The following C3orf33 variants were observed in gnomAD, a reference collection of about 807,000 sequenced individuals.
C3orf33 encodes mitochondrial inner membrane subdomain organizer 1.
Under a neutral mutation model 28.7 loss-of-function variants are expected in C3orf33, and 23 were observed. That is an observed-to-expected ratio of 0.80 (90% confidence interval 0.58 to 1.13). The LOEUF (loss-of-function observed/expected upper bound fraction) is 1.13, where lower values mean the gene tolerates loss of function less well. C3orf33 is among the 50% of genes most tolerant of loss of function. The probability of loss-of-function intolerance (pLI) is 0.00; values close to 1 mark genes in which losing one functional copy is unlikely to be tolerated. For synonymous variants in C3orf33, 119 were observed against 120.5 expected (o/e 0.99, Z 0.08); for missense variants, 327 against 353.4 (o/e 0.93, Z 0.60).
intron 2 of C3orf33, among the ~76,000 whole-genome samples, chr3:155,793,984 T>A (rs1429555201): frequency 9.1e-6 from 1 of 109,880 alleles, no homozygotes; most frequent in Non-Finnish European, 2.0e-5. Flanking sequence ...TGGTGTTTTG[T>A]TTTTTTGTTT....
In C3orf33 at chr3:155,765,050, C is replaced by A. The variant is rs552174084; in HGVS notation, c.484-1132G>T. On this transcript the variant is annotated intron_variant, in intron 4 of 4. Transcript: ENST00000340171. ...AATCTTATAAGCTCATTCCCTTGAA[C>A]CAAACTCAGTATAATTAAAATTCCA... 6.8e-4 allele frequency among the ~76,000 whole-genome samples: 104 copies of A among 152,248 alleles called. 2 individuals carry two copies. The South Asian group carries it at 0.02, about 29-fold the overall frequency.
intron 2 of C3orf33, among the ~76,000 whole-genome samples, chr3:155,792,849 G>A (rs1751356382): frequency 6.6e-6 from 1 of 152,090 alleles, no homozygotes; most frequent in Non-Finnish European, 1.5e-5. Flanking sequence ...TAGCCTCAAA[G>A]GGGCTAATCT....
chr3:155,804,221 A>AC (rs1174552292), intron 1 of C3orf33: 1 of 407,900 alleles, frequency 2.5e-6, no homozygotes, highest in Non-Finnish European at 4.8e-6. Context: ...GCACAAAGGT[A>AC]CATACTCTGG....
intron 2 of C3orf33, among the ~76,000 whole-genome samples, chr3:155,792,557 GTT>G (rs1751346735): frequency 6.6e-6 from 1 of 152,110 alleles, no homozygotes; most frequent in Non-Finnish European, 1.5e-5. Flanking sequence ...CGAAATGGCT[GTT>G]TTGAGGAAAC....
chr3:155,803,033 C>G (rs555062484), intron 1 of C3orf33, among the ~76,000 whole-genome samples: 3 of 152,024 alleles, frequency 2.0e-5, no homozygotes, highest in African/African-American at 7.3e-5. Flanking sequence ...ATTAGTATAA[C>G]CTTGCATCCA....
intron 1 of C3orf33, chr3:155,805,782 G>A (rs1751791940): frequency 2.0e-6 from 1 of 493,580 alleles, no homozygotes; most frequent in Admixed American, 2.4e-5. Flanking sequence ...AAGGCGTACA[G>A]GACTTCCCTG....
intron 1 of C3orf33, chr3:155,803,916 CTG>C (rs10558348): frequency 0.025 from 4,199 of 168,028 alleles, 196 homozygotes; most frequent in African/African-American, 0.097. Context: ...TGGCTCATGC[CTG>C]TAATTCCAGC....
intron 2 of C3orf33, among the ~76,000 whole-genome samples, chr3:155,795,178 G>C (rs572464089): frequency 2.0e-5 from 3 of 152,156 alleles, no homozygotes; most frequent in African/African-American, 7.2e-5. Context: ...ATTTCAAGCC[G>C]TGTGCGGTGG....
At chr3:155,780,184 C>A (rs1213885636) in intron 2 of C3orf33, among the ~76,000 whole-genome samples, 4 of 152,166 alleles carry the variant, frequency 2.6e-5, no homozygotes, top group Non-Finnish European at 5.9e-5. Context: ...GAGCTTGTGA[C>A]AAACACAACC....
In C3orf33 at chr3:155,770,159, T is replaced by C. The variant is rs1365785775; in HGVS notation, c.323-2490A>G. On this transcript the variant is annotated intron_variant, in intron 3 of 4. Transcript: ENST00000340171. ...GTTCCCTCTCTGCTGAGAGCTGTTT[T>C]ATCACTCAACAAAACTCTTTGCCTT... 3.3e-5 allele frequency among the ~76,000 whole-genome samples: 5 copies of C among 152,218 alleles called. No individual in the cohort carries two copies. The East Asian group carries it at 9.6e-4, about 29-fold the overall frequency.
At chr3:155,790,280 T>C (rs1751274521) in intron 2 of C3orf33, among the ~76,000 whole-genome samples, 1 of 138,640 alleles carries the variant, frequency 7.2e-6, no homozygotes, top group Middle Eastern at 3.8e-3. Flanking sequence ...AAAAATTAAC[T>C]TGATAGAGCA....
chr3:155,779,977 G>A lies in C3orf33; in HGVS notation c.175-4129C>T, dbSNP rs1048187732. On this transcript the variant is annotated intron_variant, in intron 2 of 4. Transcript: ENST00000340171. ...ATTTTATATCCCACAACAACACAAA[G>A]CTCAAAGCTGTGCTTCTGTAACACA... Among the ~76,000 whole-genome samples the A allele has an allele frequency of 3.3e-5, 5 of 152,160 alleles. No individual in the cohort carries two copies. In the South Asian group the frequency reaches 8.3e-4, roughly 25 times the overall value.
intron 2 of C3orf33, among the ~76,000 whole-genome samples, chr3:155,787,688 T>A (rs1020921011): frequency 1.9e-4 from 28 of 151,174 alleles, no homozygotes; most frequent in African/African-American, 6.3e-4. Context: ...ATTTATTTTT[T>A]TTTTTTGTAG....
At chr3:155,805,051 A>G (rs1577443462) in intron 1 of C3orf33, among the ~76,000 whole-genome samples, 1 of 151,990 alleles carries the variant, frequency 6.6e-6, no homozygotes, top group Non-Finnish European at 1.5e-5. Context: ...CCTCACACCC[A>G]AACAATTCAT....
chr3:155,772,951 C>T (rs73021518), intron 3 of C3orf33, among the ~76,000 whole-genome samples: 3,879 of 152,192 alleles, frequency 0.025, 183 homozygotes, highest in African/African-American at 0.088. Context: ...AGAAACAGAA[C>T]ACAGCTCCAC....
At chr3:155,805,910 G>T (rs140936302) in intron 1 of C3orf33, among the ~76,000 whole-genome samples, 1 of 152,268 alleles carries the variant, frequency 6.6e-6, no homozygotes, top group East Asian at 1.9e-4. Flanking sequence ...CAAGGATCCA[G>T]AACAGTCCTT....
chr3:155,800,115 G>GAAT lies in C3orf33; in HGVS notation c.174+2414_174+2416dup, dbSNP rs1214256963. On this transcript the variant is annotated intron_variant, in intron 2 of 4. Transcript: ENST00000340171. ...CGAAAGAAGAAATGCTTGAGGTGAT[G>GAAT]AATACCCTATTTACTCTGATGTGAT... Among the ~76,000 whole-genome samples, 10 of 152,270 alleles carry GAAT rather than the reference G, an allele frequency of 6.6e-5. No individual in the cohort carries two copies. In the East Asian group the frequency reaches 1.9e-3, roughly 29 times the overall value.
rs1750312342 is a variant in C3orf33 at position 155,763,814 on chromosome 3, T to C, written c.588A>G (p.Thr196=). 1.3e-6 allele frequency: 2 copies of C among 1,596,244 alleles called. No individual in the cohort carries two copies. Among genetic ancestry groups the C allele is most frequent in the Non-Finnish European group, 8.5e-7 (1 of 1,174,046 alleles). Residue 196 remains threonine (T), a synonymous_variant, in exon 5 of 5, where the codon ACA becomes ACG. Coordinates refer to ENST00000340171, the MANE Select transcript of C3orf33 (RefSeq NM_001308229.2). ...CAGCTTTAAGTAAGTTTCTGTGAAC[T>C]GTCCAGTAGATTTTAGAATCATATT... ...GLKYDSKIYW[T]VHRNLLKAEL...
intron 1 of C3orf33, chr3:155,804,087 A>C (rs1751745404): frequency 3.0e-6 from 1 of 335,576 alleles, no homozygotes; most frequent in Non-Finnish European, 5.7e-6. Flanking sequence ...GAGGCAGGAC[A>C]ATCACTTGAA....
Sources: gnomAD v4.1 joint callset for allele counts (sites outside exome capture counted in the v4.1 genomes callset) on GRCh38, gnomAD v4.1.1 for gene constraint, MANE v1.5 for transcripts, NCBI Gene and HGNC (gene_info 2026-07-23, HGNC 2026-07-21) for gene names.